AHCTF1: variants seen among roughly 807,000 people sequenced by gnomAD.
AHCTF1 encodes AT-hook containing transcription factor 1, also known as protein ELYS.
Under a neutral mutation model 248.4 loss-of-function variants are expected in AHCTF1, and 24 were observed. The ratio of observed to expected loss-of-function variants is 0.10; its 90% CI spans 0.07 to 0.14. AHCTF1 has a LOEUF of 0.14. Ranked by LOEUF, AHCTF1 falls within the 10% of genes least tolerant of loss-of-function variation. The pLI, the probability that AHCTF1 is intolerant of heterozygous loss-of-function variation, is 1.00. For missense variants in AHCTF1, 2,206 were observed against 2,636.2 expected (o/e 0.84, Z 3.57); for synonymous variants, 786 against 929.8 (o/e 0.85, Z 2.81).
At chr1:246,907,802 A>G (rs759788378) in intron 4 of AHCTF1, 44 bp from the exon 5 acceptor site, 1 of 1,510,956 alleles carries the variant, frequency 6.6e-7, no homozygotes, top group South Asian at 1.2e-5. Flanking sequence ...AACTAGAAAC[A>G]GCATTAAAAG....
intron 21 of AHCTF1, among the ~76,000 whole-genome samples, chr1:246,884,381 T>C (rs1424980509): frequency 6.6e-6 from 1 of 152,210 alleles, no homozygotes; most frequent in Non-Finnish European, 1.5e-5. Flanking sequence ...TAGAAGTACA[T>C]GCTATTTAAC....
chr1:246,873,782 A>G (rs1306360310), intron 24 of AHCTF1, among the ~76,000 whole-genome samples: 2 of 152,222 alleles, frequency 1.3e-5, no homozygotes, highest in African/African-American at 4.8e-5. Flanking sequence ...TTCACCCCAC[A>G]AAACTGGAGC....
intron 28 of AHCTF1, 115 bp from the exon 29 acceptor site, chr1:246,861,410 T>G (rs188072806): frequency 8.2e-6 from 8 of 972,604 alleles, no homozygotes; most frequent in Admixed American, 5.9e-5. Flanking sequence ...ACCCAAATTC[T>G]CTCCTTAATA....
In AHCTF1 at chr1:246,876,971, T is replaced by G. The variant is rs185087376; in HGVS notation, c.2916A>C (p.Gln972His). The change falls in exon 23 of 36, where the codon CAA (glutamine) becomes CAC (histidine). Residue 972 changes from glutamine to histidine, a missense_variant. Around this residue, in one of 6 missense-constraint regions of AHCTF1, gnomAD observed 955 missense variants for 1,055.6 expected, o/e 0.90. Transcript: ENST00000648844. ...GTACCATAACATTAATCTTCAGAGT[T>G]TGGTTCAGCTTCAAGGCAGGCACAT... The part of the protein sequence containing the change: ...ANYVPALKLN[Q>H]TLKINVMNDR... 1 of 1,611,862 alleles carries G rather than the reference T, an allele frequency of 6.2e-7. No individual in the cohort carries two copies. The highest frequency in any genetic ancestry group is 8.5e-7 in the Non-Finnish European group (1 of 1,179,868).
At chr1:246,914,007 T>C (rs1212921058) in intron 3 of AHCTF1, among the ~76,000 whole-genome samples, 2 of 152,244 alleles carry the variant, frequency 1.3e-5, no homozygotes, top group African/African-American at 2.4e-5. Flanking sequence ...TTGGACTTCA[T>C]ATAAAGCTCT....
Position 246,918,119 on chromosome 1 carries a change from G to T in AHCTF1, c.121+131C>A, listed in dbSNP as rs889811891. On this transcript the variant is annotated intron_variant, in intron 2 of 35. Coordinates refer to ENST00000648844, the MANE Select transcript of AHCTF1 (RefSeq NM_001323342.2). ...TATAGATGTTATATATGTAACTGTA[G>T]ATGTTACATATTTAAGATCACTCAG... The T allele has an allele frequency of 8.3e-6, 6 of 723,188 alleles. No homozygotes were observed. In the Admixed American group the frequency reaches 1.2e-4, roughly 14 times the overall value. The allele number at this position is 723,188 out of a possible 1,614,324, so 44.8% of individuals were successfully genotyped here.
At chr1:246,841,174 G>A (rs1659839265) in intron 35 of AHCTF1, among the ~76,000 whole-genome samples, 176 bp from the exon 36 acceptor site, 1 of 152,178 alleles carries the variant, frequency 6.6e-6, no homozygotes, top group East Asian at 1.9e-4. Context: ...CTAATCAGAA[G>A]CAGAGTTCAG....
Position 246,890,069 on chromosome 1 carries a change from T to C in AHCTF1, c.2051-10A>G. ...AACTGCACAGAATCATCTAGATTTT[T>C]AAGAGTTGGAAAAAAAGCTGGTAAT... is the stretch of plus-strand genomic sequence containing the variant. On this transcript the variant is annotated splice_polypyrimidine_tract_variant and intron_variant, in intron 16 of 35. Transcript: ENST00000648844. The C allele has an allele frequency of 6.3e-7, 1 of 1,594,824 alleles. No individual in the cohort carries two copies.
At chr1:246,912,474 G>A (rs548740734) in intron 4 of AHCTF1, among the ~76,000 whole-genome samples, 393 of 148,662 alleles carry the variant, frequency 2.6e-3, no homozygotes, top group Non-Finnish European at 5.1e-3. Context: ...AGAGCGAGAC[G>A]CCGTCTCCAA....
intron 24 of AHCTF1, among the ~76,000 whole-genome samples, chr1:246,870,710 G>A (rs1662527303): frequency 7.6e-6 from 1 of 131,124 alleles, no homozygotes; most frequent in East Asian, 2.1e-4. Context: ...AGCTAAAAGA[G>A]GGTATAAAAC....
chr1:246,854,619 A>G (rs1385583006), intron 31 of AHCTF1, among the ~76,000 whole-genome samples: 1 of 152,236 alleles, frequency 6.6e-6, no homozygotes, highest in African/African-American at 2.4e-5. Flanking sequence ...CATTTCTAAC[A>G]GCTAACATTT....
At chr1:246,869,712 G>GA (rs113491073) in intron 24 of AHCTF1, among the ~76,000 whole-genome samples, 4,394 of 143,134 alleles carry the variant, frequency 0.031, 165 homozygotes, top group African/African-American at 0.092. Flanking sequence ...GAACTGTTCA[G>GA]AAAAAAAAAA....
intron 33 of AHCTF1, among the ~76,000 whole-genome samples, chr1:246,845,352 A>G (rs1305243274): frequency 6.8e-6 from 1 of 147,766 alleles, no homozygotes; most frequent in Non-Finnish European, 1.5e-5. Context: ...TGTATATATA[A>G]GCATATGATT....
At chr1:246,923,636 T>C (rs1211461381) in intron 1 of AHCTF1, among the ~76,000 whole-genome samples, 3 of 152,224 alleles carry the variant, frequency 2.0e-5, no homozygotes, top group Non-Finnish European at 2.9e-5. Context: ...GTGCTACTCA[T>C]CTGCAGCAAA....
rs1433226918 is a variant in AHCTF1, at chr1:246,864,817, G to A, written c.3348-701C>T. ...ATTGCGCCACTGCAGTCCGCAGTCC[G>A]ACCTGGGCGACAGAGCGAGACTCCG... On this transcript the variant is annotated intron_variant, in intron 26 of 35. Coordinates refer to ENST00000648844, the MANE Select transcript of AHCTF1 (RefSeq NM_001323342.2). 3.3e-4 allele frequency among the ~76,000 whole-genome samples: 6 copies of A among 17,926 alleles called. 2 individuals carry two copies. Among genetic ancestry groups the A allele is most frequent in the East Asian group, 1.6e-3 (1 of 628 alleles). The allele number at this position is 17,926 out of a possible 152,430, so 11.8% of individuals were successfully genotyped here. A position where few individuals can be genotyped will look rare whatever the true frequency, so the allele number is the denominator to read the frequency against.
intron 14 of AHCTF1, 34 bp from the exon 15 acceptor site, chr1:246,891,953 A>T: frequency 6.4e-7 from 1 of 1,558,188 alleles, no homozygotes; most frequent in Non-Finnish European, 8.6e-7. Flanking sequence ...AAGTTTCCAT[A>T]CAGTAAATCT....
intron 10 of AHCTF1, among the ~76,000 whole-genome samples, chr1:246,899,726 A>G (rs1664860442): frequency 6.6e-6 from 1 of 152,168 alleles, no homozygotes; most frequent in Non-Finnish European, 1.5e-5. Flanking sequence ...AAAACCCAAA[A>G]AACTCCAAGC....
At chr1:246,852,811 C>G (rs1660810303) in intron 32 of AHCTF1, among the ~76,000 whole-genome samples, 2 of 151,962 alleles carry the variant, frequency 1.3e-5, no homozygotes, top group African/African-American at 2.4e-5. Flanking sequence ...AGGCTGGTCT[C>G]AAACTCTTGG....
intron 1 of AHCTF1, among the ~76,000 whole-genome samples, chr1:246,922,834 A>AT (rs1572474030): frequency 1.3e-5 from 2 of 151,070 alleles, no homozygotes; most frequent in East Asian, 4.0e-4. Flanking sequence ...TACAAAAAAA[A>AT]TAGCCGGGCG....
Sources: allele counts gnomAD v4.1 joint callset (sites outside exome capture counted in the v4.1 genomes callset), GRCh38; gene constraint gnomAD v4.1.1; regional missense constraint gnomAD v4.1.1; transcripts MANE v1.5; gene names NCBI Gene and HGNC (gene_info 2026-07-23, HGNC 2026-07-21).